The following CORO2B variants were observed in gnomAD, a reference collection of about 807,000 sequenced individuals.
CORO2B encodes the protein coronin 2B, also known as coronin-2B.
A neutral mutation model predicts 58.8 loss-of-function variants in CORO2B; 26 were observed. The observed-to-expected ratio is 0.44, with a 90% CI of 0.32 to 0.61. CORO2B has a LOEUF of 0.61. Ranked by LOEUF, CORO2B falls within the 20% of genes least tolerant of loss-of-function variation. The pLI is 0.04. For synonymous variants in CORO2B, 242 were observed against 253.8 expected, an observed-to-expected ratio of 0.95 and a Z score of 0.44; for missense variants, 460 against 645.1, an observed-to-expected ratio of 0.71 and a Z score of 3.11.
the CORO2B span, among the ~76,000 whole-genome samples, chr15:68,539,039 A>G: frequency 1.3e-5 from 2 of 152,366 alleles, no homozygotes; most frequent in East Asian, 1.9e-4. Flanking sequence ...AAATGTTTGC[A>G]TTATAATTGA....
intron 3 of CORO2B, among the ~76,000 whole-genome samples, chr15:68,696,957 G>T (rs1004840038): frequency 6.6e-6 from 1 of 152,274 alleles, no homozygotes; most frequent in Non-Finnish European, 1.5e-5. Flanking sequence ...GAACTTCAGA[G>T]CTCATGTCTC....
intron 1 of CORO2B, among the ~76,000 whole-genome samples, chr15:68,583,388 G>A (rs1029007469): frequency 3.3e-5 from 5 of 152,222 alleles, no homozygotes; most frequent in African/African-American, 1.2e-4. Flanking sequence ...TGAGGCTGGA[G>A]GGGCTGGCAC....
chr15:68,637,396 C>G (rs543461004), intron 1 of CORO2B, among the ~76,000 whole-genome samples: 2 of 152,340 alleles, frequency 1.3e-5, no homozygotes, highest in East Asian at 3.9e-4. Flanking sequence ...GGAGGGGGAA[C>G]AGATGATCAG....
chr15:68,608,223 G>GT (rs1900169359), intron 1 of CORO2B, among the ~76,000 whole-genome samples: 1 of 152,266 alleles, frequency 6.6e-6, no homozygotes, highest in Non-Finnish European at 1.5e-5. Context: ...GGCATCCTTT[G>GT]TGAAGAGCTA....
chr15:68,588,536 G>A (rs1165377097), intron 1 of CORO2B, among the ~76,000 whole-genome samples: 1 of 152,174 alleles, frequency 6.6e-6, no homozygotes, highest in African/African-American at 2.4e-5. Context: ...GTGGGTCCCA[G>A]AGCACAGTCC....
chr15:68,638,598 G>A (rs1490244410), intron 1 of CORO2B, among the ~76,000 whole-genome samples: 1 of 152,190 alleles, frequency 6.6e-6, no homozygotes, highest in East Asian at 1.9e-4. Context: ...TACTGGGGAG[G>A]GGTAAGAGTT....
rs192394874 is a variant in CORO2B at position 68,679,480 on chromosome 15, G to A, written c.217-15660G>A. ...CACAGTACAAAGGAGGGTCTGGTCC[G>A]AGGGGCTGTGCAGAGCACAGAGGCA... is the stretch of plus-strand genomic sequence containing the variant. On this transcript the variant is annotated intron_variant, in intron 2 of 11. Coordinates refer to ENST00000261861, the MANE Select transcript of CORO2B (RefSeq NM_006091.5). 5.1e-4 allele frequency among the ~76,000 whole-genome samples: 78 copies of A among 152,330 alleles called. 1 individual carries two copies. Among genetic ancestry groups the A allele is most frequent in the Non-Finnish European group, 1.0e-3 (68 of 68,036 alleles).
chr15:68,641,838 C>A (rs1027796928), intron 1 of CORO2B, among the ~76,000 whole-genome samples: 4 of 152,114 alleles, frequency 2.6e-5, no homozygotes, highest in Admixed American at 2.0e-4. Context: ...ATCCTCCCAC[C>A]TCAGCCTCCC....
At chr15:68,705,716 C>T (rs1180783843) in intron 3 of CORO2B, among the ~76,000 whole-genome samples, 4 of 152,140 alleles carry the variant, frequency 2.6e-5, no homozygotes. Flanking sequence ...CCCTGACCCC[C>T]CATCCCTGGG....
upstream of CORO2B, among the ~76,000 whole-genome samples, chr15:68,575,369 C>G (rs10775197): frequency 0.92 from 135,945 of 147,926 alleles, 62,741 homozygotes; most frequent in East Asian, 1. Flanking sequence ...TCTGAGACTT[C>G]GTCTGTCACT....
chr15:68,677,554 C>T (rs1299484167), intron 2 of CORO2B, among the ~76,000 whole-genome samples: 2 of 152,198 alleles, frequency 1.3e-5, no homozygotes, highest in Admixed American at 6.5e-5. Flanking sequence ...TGAGGCTGTG[C>T]TCCAGGGGTT....
At chr15:68,648,647 C>G (rs1901532920) in intron 2 of CORO2B, among the ~76,000 whole-genome samples, 1 of 151,226 alleles carries the variant, frequency 6.6e-6, no homozygotes, top group Non-Finnish European at 1.5e-5. Flanking sequence ...GAGACTCCGT[C>G]TCAAAAAAAA....
chr15:68,544,968 G>A, the CORO2B span, among the ~76,000 whole-genome samples: 1 of 152,178 alleles, frequency 6.6e-6, no homozygotes, highest in Non-Finnish European at 1.5e-5. Context: ...GTACAGACGG[G>A]GTTTCACCGT....
At chr15:68,523,565 G>A in the CORO2B span, among the ~76,000 whole-genome samples, 1 of 152,198 alleles carries the variant, frequency 6.6e-6, no homozygotes, top group African/African-American at 2.4e-5. Flanking sequence ...TAGTTTCTTA[G>A]CTTCTCACCC....
the CORO2B span, among the ~76,000 whole-genome samples, chr15:68,559,175 A>G: frequency 6.6e-6 from 1 of 152,068 alleles, no homozygotes; most frequent in Non-Finnish European, 1.5e-5. The surrounding 1 kb of genome is among the most constrained non-coding windows in gnomAD (Gnocchi z 4.3). Context: ...CAGTGGCGTC[A>G]GTGCTACTTC....
At chr15:68,537,496 AT>A in the CORO2B span, among the ~76,000 whole-genome samples, 1 of 151,922 alleles carries the variant, frequency 6.6e-6, no homozygotes, top group Non-Finnish European at 1.5e-5. Flanking sequence ...CTTTTTGCTA[AT>A]TTTTTTTAAG....
chr15:68,590,724 G>T (rs1300828234), intron 1 of CORO2B, among the ~76,000 whole-genome samples: 1 of 152,200 alleles, frequency 6.6e-6, no homozygotes, highest in African/African-American at 2.4e-5. Context: ...TCATTGACTG[G>T]ACCGAGCCTG....
At chr15:68,653,268 G>A (rs1056036924) in intron 2 of CORO2B, among the ~76,000 whole-genome samples, 1 of 152,170 alleles carries the variant, frequency 6.6e-6, no homozygotes, top group Admixed American at 6.5e-5. Context: ...CAGAGTTCCT[G>A]GACCGAAAAG....
At chr15:68,518,829 C>T in the CORO2B span, among the ~76,000 whole-genome samples, 8 of 152,108 alleles carry the variant, frequency 5.3e-5, no homozygotes, top group African/African-American at 1.7e-4. Flanking sequence ...TGAGCAAGAC[C>T]CAGAGCAAGT....
Sources: gnomAD v4.1 joint callset for allele counts (sites outside exome capture counted in the v4.1 genomes callset) on GRCh38, gnomAD v4.1.1 for gene constraint, Gnocchi (gnomAD v3.1) non-coding constraint, MANE v1.5 for transcripts, NCBI Gene and HGNC (gene_info 2026-07-23, HGNC 2026-07-21) for gene names.